The following LRRC41 variants were observed in gnomAD, a reference collection of about 807,000 sequenced individuals.
LRRC41 encodes the protein leucine-rich repeat-containing protein 41.
A neutral mutation model predicts 72.1 loss-of-function variants in LRRC41; 17 were observed. That is an observed-to-expected ratio of 0.24 (90% CI 0.16 to 0.35). The LOEUF is 0.35. Ranked by LOEUF, LRRC41 falls within the 10% of genes least tolerant of loss-of-function variation. The pLI, the probability that LRRC41 is intolerant of heterozygous loss-of-function variation, is 1.00. For synonymous variants in LRRC41, 427 were observed against 431.0 expected (o/e 0.99, Z 0.11); for missense variants, 759 against 1,065.0 (o/e 0.71, Z 4.00).
rs768327270 is a variant in LRRC41 at position 46,280,244 on chromosome 1, G to A, written c.1968C>T (p.Leu656=). The change falls in exon 7 of 10, where the codon CTC becomes CTT. Residue 656 remains leucine (L), a synonymous_variant. Coordinates refer to ENST00000617190, the MANE Select transcript of LRRC41 (RefSeq NM_006369.5). ...AGAGCACCTCGCTCTGACAGTCAGC[G>A]AGATTCATGTCATGGAAGCTCAGTC... The part of the protein sequence containing the change: ...LKRLSFHDMN[L]ADCQSEVLFL... The A allele has an allele frequency of 1.5e-5, 24 of 1,614,066 alleles. No individual in the cohort carries two copies. The highest frequency in any genetic ancestry group is 1.6e-4 in the Middle Eastern group (1 of 6,084).
intron 3 of LRRC41, among the ~76,000 whole-genome samples, chr1:46,292,984 G>C (rs1351520567): frequency 1.3e-5 from 2 of 152,104 alleles, no homozygotes; most frequent in Non-Finnish European, 2.9e-5. Flanking sequence ...AAGAGATGGA[G>C]ACCATCCTGG....
Position 46,302,756 on chromosome 1 carries a change from T to C in LRRC41, c.199+368A>G, listed in dbSNP as rs534632296. The C allele has an allele frequency of 1.0e-6, 1 of 985,042 alleles. No homozygotes were observed. The highest frequency in any genetic ancestry group is 4.7e-5 in the South Asian group (1 of 21,276). 61.0% of individuals were successfully genotyped at this position (985,042 alleles called of 1,614,324 possible). ...TGCCCTAGGGCAGCCGGGCCATCGC[T>C]GCCCACCGGTTCGACATCCGAGACT... is the stretch of plus-strand genomic sequence containing the variant. On this transcript the variant is annotated intron_variant, in intron 1 of 9. Transcript: ENST00000617190. The surrounding 1 kb of genome is among the most constrained non-coding windows in gnomAD (Gnocchi z 4.7).
At chr1:46,291,561 T>TC (rs1312777541) in intron 3 of LRRC41, among the ~76,000 whole-genome samples, 10 of 139,972 alleles carry the variant, frequency 7.1e-5, no homozygotes. Flanking sequence ...GGTTTTTTTT[T>TC]TTTTTTTTTT....
chr1:46,293,055 G>C (rs1057103125), intron 3 of LRRC41, among the ~76,000 whole-genome samples: 1 of 151,926 alleles, frequency 6.6e-6, no homozygotes, highest in Non-Finnish European at 1.5e-5. Flanking sequence ...ATGGTGGCAC[G>C]CACTTGTAGT....
chr1:46,302,496 C>T lies in LRRC41; in HGVS notation c.199+628G>A, dbSNP rs1182267750. 3.0e-6 allele frequency: 3 copies of T among 985,276 alleles called. No homozygotes were observed. Among genetic ancestry groups the T allele is most frequent in the Non-Finnish European group, 3.6e-6 (3 of 829,920 alleles). The allele number at this position is 985,276 out of a possible 1,614,324, so 61.0% of individuals were successfully genotyped here. A position where few individuals can be genotyped will look rare whatever the true frequency, so the allele number is the denominator to read the frequency against. On this transcript the variant is annotated intron_variant, in intron 1 of 9. Transcript: ENST00000617190. The surrounding 1 kb of genome is among the most constrained non-coding windows in gnomAD (Gnocchi z 4.7). ...CGGTTGTCGGTTCGCTCCCGTCAGC[C>T]CTGGGCCGTCAGACAGGCCGCGGCG...
At chr1:46,295,301 T>C (rs1661100070) in intron 3 of LRRC41, among the ~76,000 whole-genome samples, 1 of 152,190 alleles carries the variant, frequency 6.6e-6, no homozygotes, top group East Asian at 1.9e-4. Context: ...GTTCAAGTGA[T>C]CCACCTGCCT....
Position 46,298,277 on chromosome 1 carries a change from T to A in LRRC41, c.286+7A>T, listed in dbSNP as rs750634804. ...ATTGACTGAGAAAGAGACAGAAAGA[T>A]ACTCACCTTTCTTGAGGGCAGTTTC... is the stretch of plus-strand genomic sequence containing the variant. On this transcript the variant is annotated splice_region_variant and intron_variant, in intron 2 of 9. Transcript: ENST00000617190. The A allele has an allele frequency of 1.3e-5, 21 of 1,567,676 alleles. No homozygotes were observed. Among genetic ancestry groups the A allele is most frequent in the East Asian group, 2.3e-5 (1 of 44,364 alleles).
At chr1:46,301,431 C>G (rs1160781477) in intron 1 of LRRC41, among the ~76,000 whole-genome samples, 1 of 151,956 alleles carries the variant, frequency 6.6e-6, no homozygotes, top group Non-Finnish European at 1.5e-5. Context: ...TCCTGTTCCC[C>G]ATGGGTCGGC....
At position 46,277,823 on chromosome 1, in the gene LRRC41, A is replaced by G; in HGVS notation, c.*1042T>C. 1.2e-6 allele frequency: 2 copies of G among 1,606,882 alleles called. No individual in the cohort carries two copies. Among genetic ancestry groups the G allele is most frequent in the Non-Finnish European group, 1.7e-6 (2 of 1,173,748 alleles). ...CCCACCTCCTCTTCCCCAGGCAGGG[A>G]CCATTGAGGAGAAGATCTTCCAGCG... On this transcript the variant is annotated 3_prime_UTR_variant, in exon 10 of 10. Coordinates refer to ENST00000617190, the MANE Select transcript of LRRC41 (RefSeq NM_006369.5).
intron 5 of LRRC41, 71 bp downstream of exon 5, chr1:46,281,054 C>T (rs765341957): frequency 6.2e-5 from 98 of 1,573,686 alleles, no homozygotes; most frequent in Non-Finnish European, 7.2e-5. Flanking sequence ...TTTCCCCATA[C>T]GAATGCATCT....
chr1:46,283,795 A>T (rs1400264587), intron 4 of LRRC41, among the ~76,000 whole-genome samples: 1 of 151,470 alleles, frequency 6.6e-6, no homozygotes, highest in Non-Finnish European at 1.5e-5. Context: ...GTCACTGAGT[A>T]GCTGGGATTA....
chr1:46,303,489 G>T lies in LRRC41; in HGVS notation c.-167C>A. Reference sequence around the variant, plus strand: ...AAGTCTCTTAGGAGCTACTATTTTAGATAAACTCCTAGATCAATTATACTT... The same window carrying T: ...AAGTCTCTTAGGAGCTACTATTTTATATAAACTCCTAGATCAATTATACTT... On this transcript the variant is annotated 5_prime_UTR_variant, in exon 1 of 10. Coordinates refer to ENST00000617190, the MANE Select transcript of LRRC41 (RefSeq NM_006369.5). The T allele has an allele frequency of 1.3e-6, 1 of 762,228 alleles. No homozygotes were observed. Among genetic ancestry groups the T allele is most frequent in the Non-Finnish European group, 2.1e-6 (1 of 487,254 alleles). 47.2% of individuals were successfully genotyped at this position (762,228 alleles called of 1,614,324 possible).
At position 46,277,705 on chromosome 1, in the gene LRRC41, C is replaced by T; in HGVS notation, c.*1160G>A. On this transcript the variant is annotated 3_prime_UTR_variant, in exon 10 of 10. Transcript: ENST00000617190. ...TGTTCTGGGACTCATACTTTTTATT[C>T]ATCTCCTCTTCTCGGGTAGCTGTAG... 1 of 1,232,358 alleles carries T rather than the reference C, an allele frequency of 8.1e-7. No homozygotes were observed. The highest frequency in any genetic ancestry group is 1.2e-6 in the Non-Finnish European group (1 of 849,508). 76.3% of individuals were successfully genotyped at this position (1,232,358 alleles called of 1,614,324 possible). A position where few individuals can be genotyped will look rare whatever the true frequency, so the allele number is the denominator to read the frequency against.
intron 2 of LRRC41, among the ~76,000 whole-genome samples, chr1:46,298,015 G>A (rs1661157694): frequency 6.6e-6 from 1 of 152,118 alleles, no homozygotes; most frequent in African/African-American, 2.4e-5. Context: ...GTAAAATAGA[G>A]AAACTAAGAT....
rs1660720113 is a variant in LRRC41, at chr1:46,279,351, G to A, written c.2144-94C>T. 1.3e-6 allele frequency: 2 copies of A among 1,573,426 alleles called. No individual in the cohort carries two copies. The highest frequency in any genetic ancestry group is 3.3e-4 in the Middle Eastern group (2 of 5,986). On this transcript the variant is annotated intron_variant, in intron 8 of 9. Transcript: ENST00000617190. This position sits in a 1 kb window ranked among gnomAD's most constrained non-coding sequence, Gnocchi z 4.5. ...TATGGCTGGCAGAACCAGCCCTGCT[G>A]GTTCCTGAAGCCCCAGCACAGAAAT... is the stretch of plus-strand genomic sequence containing the variant.
intron 1 of LRRC41, chr1:46,299,882 T>C (rs1223632819): frequency 6.6e-6 from 1 of 151,148 alleles, no homozygotes; most frequent in Non-Finnish European, 1.5e-5. Flanking sequence ...GTCTCACAAA[T>C]AAAATAAAAT....
chr1:46,285,506 G>T lies in LRRC41; in HGVS notation c.1351C>A (p.Pro451Thr), dbSNP rs1384521015. 6.2e-7 allele frequency: 1 copy of T among 1,614,116 alleles called. No homozygotes were observed. ...AATCTTTGTGAAGCTTCCAGTGCTG[G>T]AAGCCCCAGGCAGCTGGGATCTGAT... ...DGSDPSCLGL[P>T]ALEASQRFRS... Residue 451 changes from proline (P) to threonine (T), a missense_variant, in exon 4 of 10, where the codon CCA (proline) becomes ACA (threonine). Pro to Thr is a conservative substitution (Grantham distance 38). This residue lies in a region of LRRC41 where 427 missense variants were observed against 520.9 expected (regional missense o/e 0.82). Transcript: ENST00000617190. The surrounding 1 kb of genome is among the most constrained non-coding windows in gnomAD (Gnocchi z 5.3).
chr1:46,290,671 A>G (rs1660991665), intron 3 of LRRC41, among the ~76,000 whole-genome samples: 1 of 149,518 alleles, frequency 6.7e-6, no homozygotes, highest in African/African-American at 2.5e-5. Context: ...CAGTGGTACA[A>G]TATTAGCTCA....
At position 46,281,186 on chromosome 1, in the gene LRRC41, G is replaced by T; in HGVS notation, c.1695C>A (p.Asn565Lys). 1.9e-6 allele frequency: 3 copies of T among 1,614,190 alleles called. No individual in the cohort carries two copies. The highest frequency in any genetic ancestry group is 1.1e-5 in the South Asian group (1 of 91,086). The stretch of plus-strand genomic sequence containing the variant: ...GCCCTGCATTCCCTGGCACACCAGG[G>T]TTGTCCCGCTGGCTTGGGTGGTCAA... Reference protein sequence around the residue: ...IRVDHPSQRDNPGVPGNAGPP... With the variant: ...IRVDHPSQRDKPGVPGNAGPP... The change falls in exon 5 of 10, where the codon AAC becomes AAA. Residue 565 changes from asparagine to lysine, a missense_variant. Physicochemically the swap from Asn to Lys is moderately conservative, Grantham distance 94 (BLOSUM62 0). This residue lies in a region of LRRC41 where 427 missense variants were observed against 520.9 expected (regional missense o/e 0.82). Coordinates refer to ENST00000617190, the MANE Select transcript of LRRC41 (RefSeq NM_006369.5).
Sources: allele counts gnomAD v4.1 joint callset (sites outside exome capture counted in the v4.1 genomes callset), GRCh38; gene constraint gnomAD v4.1.1; regional missense constraint gnomAD v4.1.1; non-coding constraint Gnocchi (gnomAD v3.1); transcripts MANE v1.5; gene names NCBI Gene and HGNC (gene_info 2026-07-23, HGNC 2026-07-21).